FAM178B: variants seen among roughly 807,000 people sequenced by gnomAD.
The protein encoded by FAM178B is protein FAM178B.
FAM178B carries 82 observed loss-of-function variants against 91.7 expected under a neutral mutation model. That is an observed-to-expected ratio of 0.89 (90% CI 0.75 to 1.07). The LOEUF (loss-of-function observed/expected upper bound fraction) is 1.07, where lower values mean the gene tolerates loss of function less well. FAM178B is among the 50% of genes least tolerant of loss of function. The pLI is 0.00. For synonymous variants in FAM178B, 368 were observed against 359.4 expected (o/e 1.02, Z -0.27); for missense variants, 769 against 846.7 (o/e 0.91, Z 1.14).
chr2:96,904,797 G>A (rs1247579928), intron 12 of FAM178B, among the ~76,000 whole-genome samples: 1 of 152,026 alleles, frequency 6.6e-6, no homozygotes, highest in African/African-American at 2.4e-5. Context: ...AGGACTGCCT[G>A]AGCCTAGGAG....
At chr2:96,973,930 G>A (rs1214910756) in intron 1 of FAM178B, among the ~76,000 whole-genome samples, 1 of 151,912 alleles carries the variant, frequency 6.6e-6, no homozygotes, top group Non-Finnish European at 1.5e-5. Flanking sequence ...TTGAACCCAG[G>A]AGACGGCAGT....
chr2:96,887,400 G>T (rs573997619), intron 14 of FAM178B, among the ~76,000 whole-genome samples: 42 of 152,302 alleles, frequency 2.8e-4, no homozygotes, highest in African/African-American at 9.6e-4. Context: ...AGCCATGGGG[G>T]TTGTGCCTGA....
At chr2:96,937,885 G>A (rs921788130) in intron 8 of FAM178B, among the ~76,000 whole-genome samples, 1 of 151,942 alleles carries the variant, frequency 6.6e-6, no homozygotes, top group African/African-American at 2.4e-5. Context: ...CAAATTAGCC[G>A]GGCGTGGTGG....
intron 6 of FAM178B, among the ~76,000 whole-genome samples, chr2:96,954,151 G>C (rs1485803574): frequency 6.6e-6 from 1 of 152,230 alleles, no homozygotes; most frequent in African/African-American, 2.4e-5. Context: ...CAGAGGGACA[G>C]AGCCTCCATC....
At chr2:96,897,989 G>C (rs1272177360) in intron 13 of FAM178B, 2 of 985,300 alleles carry the variant, frequency 2.0e-6, no homozygotes, top group Non-Finnish European at 2.4e-6. Context: ...CTGCTCCATG[G>C]GGCCTCCGCT....
At chr2:96,982,076 G>GA (rs1347825940) in intron 1 of FAM178B, among the ~76,000 whole-genome samples, 35 of 151,790 alleles carry the variant, frequency 2.3e-4, no homozygotes, top group Admixed American at 9.8e-4. Flanking sequence ...CAAAAAAAAA[G>GA]AAAAAATCTT....
intron 9 of FAM178B, among the ~76,000 whole-genome samples, chr2:96,926,302 C>CAA (rs201187658): frequency 4.7e-5 from 7 of 147,692 alleles, no homozygotes; most frequent in African/African-American, 1.5e-4. Flanking sequence ...AACTCTGTCT[C>CAA]AAAAAAAAAA....
intron 3 of FAM178B, among the ~76,000 whole-genome samples, chr2:96,971,517 CT>C (rs1376597800): frequency 6.6e-6 from 1 of 152,212 alleles, no homozygotes; most frequent in East Asian, 1.9e-4. Flanking sequence ...TCCCGATCCA[CT>C]GGACCAGAGT....
intron 5 of FAM178B, among the ~76,000 whole-genome samples, chr2:96,962,694 C>T (rs1400932552): frequency 6.6e-6 from 1 of 152,162 alleles, no homozygotes; most frequent in African/African-American, 2.4e-5. Context: ...AGCACACACG[C>T]AAGGTCTTTT....
chr2:96,963,072 C>T (rs1260335680), intron 5 of FAM178B, among the ~76,000 whole-genome samples: 1 of 152,190 alleles, frequency 6.6e-6, no homozygotes, highest in Non-Finnish European at 1.5e-5. Context: ...ACGTCATGCG[C>T]CCAGCAAATT....
At position 96,972,280 on chromosome 2, in the gene FAM178B, A is replaced by G. The variant is rs1267340297; in HGVS notation, c.185T>C (p.Leu62Pro). The stretch of plus-strand genomic sequence containing the variant: ...GGGATGGTCTGACAAGCCATCCTCC[A>G]GGTTGTACAGGAGGATGGGCACGGT... The part of the protein sequence containing the change: ...AATVPILLYN[L>P]EDGLSDHPLD... Residue 62 changes from leucine (L) to proline (P), a missense_variant, in exon 3 of 17, where the codon CTG (leucine) becomes CCG (proline). By Grantham distance (98) the Leu-to-Pro change is moderately conservative. Coordinates refer to ENST00000490605, the MANE Select transcript of FAM178B (RefSeq NM_001122646.3). 6.7e-7 allele frequency: 1 copy of G among 1,490,532 alleles called. No individual in the cohort carries two copies. Among genetic ancestry groups the G allele is most frequent in the Admixed American group, 2.4e-5 (1 of 41,594 alleles). The allele number at this position is 1,490,532 out of a possible 1,614,324, so 92.3% of individuals were successfully genotyped here.
In FAM178B at chr2:96,878,059, A is replaced by G. The variant is rs1440770118; in HGVS notation, c.1855-17T>C. 1.9e-6 allele frequency: 3 copies of G among 1,604,354 alleles called. No individual in the cohort carries two copies. The highest frequency in any genetic ancestry group is 2.5e-6 in the Non-Finnish European group (3 of 1,179,804). ...CAGCTCGCCCTGTGGAGGCGGAGGG[A>G]GGCCAAGAAGCGGGTGTAGCACAAG... On this transcript the variant is annotated splice_polypyrimidine_tract_variant and intron_variant, in intron 15 of 16. Transcript: ENST00000490605.
At position 96,918,203 on chromosome 2, in the gene FAM178B, G is replaced by A. The variant is rs551158296; in HGVS notation, c.1562+2962C>T. Among the ~76,000 whole-genome samples the A allele has an allele frequency of 2.7e-5, 4 of 148,634 alleles. No homozygotes were observed. The South Asian group carries it at 8.5e-4, about 32-fold the overall frequency. On this transcript the variant is annotated intron_variant, in intron 12 of 16. Transcript: ENST00000490605. ...AAAAAAAAAAAGAAAAAAAATTCCA[G>A]TTCACTGAAAGGTACCATACATAAA...
chr2:96,906,325 C>T (rs571550446), intron 12 of FAM178B, among the ~76,000 whole-genome samples: 11 of 151,970 alleles, frequency 7.2e-5, no homozygotes, highest in African/African-American at 2.7e-4. Flanking sequence ...CCTCAGCCTC[C>T]CAAGTAGCTG....
intron 14 of FAM178B, among the ~76,000 whole-genome samples, chr2:96,888,426 C>T (rs930916155): frequency 1.3e-5 from 2 of 152,232 alleles, no homozygotes; most frequent in African/African-American, 4.8e-5. Flanking sequence ...GCTCCACCTG[C>T]CTTTCAGGGG....
intron 13 of FAM178B, chr2:96,895,078 T>A: frequency 7.8e-7 from 1 of 1,289,412 alleles, no homozygotes; most frequent in Non-Finnish European, 1.0e-6. Context: ...AAGACCACCA[T>A]CATCTTCATT....
At chr2:96,961,272 G>A (rs1423776553) in intron 5 of FAM178B, among the ~76,000 whole-genome samples, 6 of 152,140 alleles carry the variant, frequency 3.9e-5, no homozygotes, top group East Asian at 1.9e-4. Context: ...GACTGGCAAC[G>A]TGGCTGAGCC....
At chr2:96,921,800 G>T in intron 10 of FAM178B, 146 bp from the exon 11 acceptor site, 1 of 801,458 alleles carries the variant, frequency 1.2e-6, no homozygotes. Context: ...AGGAAACAGT[G>T]AGGCCCCTGC....
intron 1 of FAM178B, among the ~76,000 whole-genome samples, chr2:96,985,359 C>A (rs930418055): frequency 6.6e-6 from 1 of 152,152 alleles, no homozygotes; most frequent in African/African-American, 2.4e-5. Context: ...CCATGGATGG[C>A]GCCCCCTCTG....
Sources: gnomAD v4.1 joint callset for allele counts (sites outside exome capture counted in the v4.1 genomes callset) on GRCh38, gnomAD v4.1.1 for gene constraint, MANE v1.5 for transcripts, NCBI Gene and HGNC (gene_info 2026-07-23, HGNC 2026-07-21) for gene names.